The following FAF2 variants were observed in gnomAD, a reference collection of about 807,000 sequenced individuals.
The protein encoded by FAF2 is Fas associated factor family member 2.
In FAF2, 9 loss-of-function variants were observed where a neutral mutation model predicts 62.3. That is an observed-to-expected ratio of 0.14 (90% CI 0.09 to 0.25). The LOEUF (loss-of-function observed/expected upper bound fraction) is 0.25, where lower values mean the gene tolerates loss of function less well. Ranked by LOEUF, FAF2 falls within the 10% of genes least tolerant of loss-of-function variation. FAF2 has a pLI of 1.00. For synonymous variants in FAF2, 202 were observed against 198.0 expected (o/e 1.02, Z -0.17); for missense variants, 368 against 556.2 (o/e 0.66, Z 3.40).
chr5:176,505,458 T>G (rs1395623537), intron 10 of FAF2, among the ~76,000 whole-genome samples: 3 of 152,196 alleles, frequency 2.0e-5, no homozygotes, highest in Admixed American at 2.0e-4. Flanking sequence ...GCAACACATT[T>G]ATTGTATTGT....
chr5:176,481,973 A>G (rs1396453718), intron 2 of FAF2, among the ~76,000 whole-genome samples: 1 of 152,082 alleles, frequency 6.6e-6, no homozygotes, highest in African/African-American at 2.4e-5. Context: ...TAAATTCCCA[A>G]CAGCGTTGTA....
chr5:176,479,222 G>T lies in FAF2; in HGVS notation c.98G>T (p.Arg33Leu), dbSNP rs757529894. 2 of 1,613,834 alleles carry T rather than the reference G, an allele frequency of 1.2e-6. No individual in the cohort carries two copies. The highest frequency in any genetic ancestry group is 1.7e-6 in the Non-Finnish European group (2 of 1,179,884). The part of the protein sequence containing the change: ...LTGIESMDQC[R>L]HTLEQHNWNI... Reference sequence around the variant, plus strand: ...GGCATCGAATCTATGGATCAGTGTCGCCATACCTTGGAACAGCATAACTGG... The same window carrying T: ...GGCATCGAATCTATGGATCAGTGTCTCCATACCTTGGAACAGCATAACTGG... Residue 33 changes from arginine to leucine, a missense_variant, in exon 2 of 11, where the codon CGC becomes CTC. By Grantham distance (102) the Arg-to-Leu change is moderately radical. Transcript: ENST00000261942.
intron 1 of FAF2, among the ~76,000 whole-genome samples, chr5:176,470,472 G>A (rs1025672548): frequency 6.6e-6 from 1 of 152,392 alleles, no homozygotes; most frequent in East Asian, 1.9e-4. Flanking sequence ...AGCTACGCGG[G>A]AGGCTGAGGC....
intron 3 of FAF2, among the ~76,000 whole-genome samples, chr5:176,487,466 A>C (rs1758895191): frequency 6.6e-6 from 1 of 152,122 alleles, no homozygotes; most frequent in Admixed American, 6.5e-5. Flanking sequence ...TACAGGCTTG[A>C]GGCACTGTGC....
chr5:176,461,778 T>C lies in FAF2; in HGVS notation c.63+13308T>C, dbSNP rs552047111. Among the ~76,000 whole-genome samples the C allele has an allele frequency of 2.0e-5, 3 of 152,320 alleles. No homozygotes were observed. In the South Asian group the frequency reaches 6.2e-4, roughly 32 times the overall value. ...TGTTTACTCTGTTGATAGTTTCTTT[T>C]ACTGTGTAGAAGCTCTTCAGTTTAA... On this transcript the variant is annotated intron_variant, in intron 1 of 10. Coordinates refer to ENST00000261942, the MANE Select transcript of FAF2 (RefSeq NM_014613.3).
intron 10 of FAF2, among the ~76,000 whole-genome samples, 153 bp from the exon 11 acceptor site, chr5:176,506,615 T>G (rs137947269): frequency 6.6e-6 from 1 of 152,186 alleles, no homozygotes; most frequent in East Asian, 1.9e-4. Context: ...ATGAAAAGAT[T>G]AGAATTCCAG....
intron 1 of FAF2, among the ~76,000 whole-genome samples, chr5:176,477,947 G>T (rs930679120): frequency 6.6e-6 from 1 of 152,176 alleles, no homozygotes; most frequent in East Asian, 1.9e-4. Flanking sequence ...GTTTCTTGAG[G>T]ATAGAGACTA....
chr5:176,505,015 C>T (rs771443279), intron 10 of FAF2, among the ~76,000 whole-genome samples: 1 of 146,836 alleles, frequency 6.8e-6, no homozygotes, highest in African/African-American at 2.5e-5. Flanking sequence ...AGAGCAAGAC[C>T]TGTCTGGGAA....
intron 8 of FAF2, among the ~76,000 whole-genome samples, chr5:176,498,312 A>G (rs577861241): frequency 6.6e-6 from 1 of 152,224 alleles, no homozygotes; most frequent in Non-Finnish European, 1.5e-5. Flanking sequence ...AGATCTGTGC[A>G]TTTCACTGCA....
chr5:176,494,412 C>T lies in FAF2; in HGVS notation c.661+137C>T. ...CGCTAGTTGCTATTTTATATTGTCT[C>T]ATTTAATCCTCTCAGCAGTCCTGAG... On this transcript the variant is annotated intron_variant, in intron 7 of 10. Transcript: ENST00000261942. The surrounding 1 kb of genome is among the most constrained non-coding windows in gnomAD (Gnocchi z 4.0). The T allele has an allele frequency of 2.8e-6, 2 of 721,578 alleles. No individual in the cohort carries two copies. Among genetic ancestry groups the T allele is most frequent in the South Asian group, 3.2e-5 (2 of 61,546 alleles). 44.7% of individuals were successfully genotyped at this position (721,578 alleles called of 1,614,324 possible). A position where few individuals can be genotyped will look rare whatever the true frequency, so the allele number is the denominator to read the frequency against.
At chr5:176,450,602 G>A (rs1758145413) in intron 1 of FAF2, among the ~76,000 whole-genome samples, 1 of 150,690 alleles carries the variant, frequency 6.6e-6, no homozygotes, top group Admixed American at 6.6e-5. Context: ...TGCCCAGGCT[G>A]GAGTGCAGTG....
chr5:176,499,779 C>T (rs1390505822), intron 9 of FAF2, among the ~76,000 whole-genome samples: 1 of 152,052 alleles, frequency 6.6e-6, no homozygotes, highest in Non-Finnish European at 1.5e-5. Context: ...TACCATGGCA[C>T]CCTGCTCCCT....
intron 1 of FAF2, among the ~76,000 whole-genome samples, chr5:176,450,614 C>T (rs534057759): frequency 2.0e-5 from 3 of 150,368 alleles, no homozygotes; most frequent in African/African-American, 4.9e-5. Context: ...AGTGCAGTGG[C>T]GCGATCTCGG....
intron 7 of FAF2, among the ~76,000 whole-genome samples, chr5:176,495,336 TG>T (rs1286054417): frequency 6.6e-6 from 1 of 152,202 alleles, no homozygotes; most frequent in Non-Finnish European, 1.5e-5. Context: ...TCCAAATTCC[TG>T]CATGCGTTTT....
At chr5:176,455,944 A>T (rs1407852120) in intron 1 of FAF2, among the ~76,000 whole-genome samples, 1 of 149,492 alleles carries the variant, frequency 6.7e-6, no homozygotes, top group Non-Finnish European at 1.5e-5. Context: ...TATTACTTTG[A>T]CTTCAGTTAA....
chr5:176,460,361 T>C (rs1275467931), intron 1 of FAF2, among the ~76,000 whole-genome samples: 3 of 152,222 alleles, frequency 2.0e-5, no homozygotes, highest in South Asian at 2.1e-4. Flanking sequence ...ACCAGTGTTA[T>C]ATAAGCATTC....
In FAF2 at chr5:176,448,403, G is replaced by A. The variant is rs1469501566; in HGVS notation, c.-5G>A. 7 of 1,604,696 alleles carry A rather than the reference G, an allele frequency of 4.4e-6. No homozygotes were observed. The highest frequency in any genetic ancestry group is 3.4e-5 in the Admixed American group (2 of 58,470). ...ACGGGTCAGGAGCGTAGAGGCGGCG[G>A]CAAAATGGCGGCGCCTGAGGAGCGG... is the stretch of plus-strand genomic sequence containing the variant. On this transcript the variant is annotated 5_prime_UTR_variant, in exon 1 of 11. Coordinates refer to ENST00000261942, the MANE Select transcript of FAF2 (RefSeq NM_014613.3).
chr5:176,453,930 C>T (rs1758229976), intron 1 of FAF2, among the ~76,000 whole-genome samples: 1 of 151,230 alleles, frequency 6.6e-6, no homozygotes, highest in South Asian at 2.1e-4. Flanking sequence ...GTGTCAGGTG[C>T]CCATAATCCC....
chr5:176,490,100 A>G (rs1041541275), intron 4 of FAF2, among the ~76,000 whole-genome samples: 3 of 152,080 alleles, frequency 2.0e-5, no homozygotes, highest in Non-Finnish European at 4.4e-5. Flanking sequence ...TCACAACGTC[A>G]GGAGATCAAG....
Sources: gnomAD v4.1 joint callset for allele counts (sites outside exome capture counted in the v4.1 genomes callset) on GRCh38, gnomAD v4.1.1 for gene constraint, Gnocchi (gnomAD v3.1) non-coding constraint, MANE v1.5 for transcripts, NCBI Gene and HGNC (gene_info 2026-07-23, HGNC 2026-07-21) for gene names.